Variants in FAM193B observed in about 807,000 individuals in gnomAD.
FAM193B encodes family with sequence similarity 193 member B.
Under a neutral mutation model 70.7 loss-of-function variants are expected in FAM193B, and 27 were observed. The ratio of observed to expected loss-of-function variants is 0.38; its 90% CI spans 0.28 to 0.53. FAM193B has a LOEUF of 0.53. Among genes scored for constraint, FAM193B ranks in the 20% least tolerant of loss-of-function variants. The probability of loss-of-function intolerance (pLI) is 0.81; values close to 1 mark genes in which losing one functional copy is unlikely to be tolerated. For missense variants in FAM193B, 1,022 were observed against 1,072.5 expected (o/e 0.95, Z 0.66); for synonymous variants, 448 against 436.0 (o/e 1.03, Z -0.34).
chr5:177,522,573 C>G (rs1761928002), intron 7 of FAM193B, among the ~76,000 whole-genome samples: 1 of 152,070 alleles, frequency 6.6e-6, no homozygotes, highest in Non-Finnish European at 1.5e-5. Flanking sequence ...CTCCTGAGCT[C>G]AAGTGATCCT....
chr5:177,553,543 G>A, intron 1 of FAM193B: 1 of 1,136,570 alleles, frequency 8.8e-7, no homozygotes, highest in Non-Finnish European at 1.1e-6. Context: ...TCTTCCAGGT[G>A]GCAAGCTGGA....
At chr5:177,551,939 CGGT>C (rs1766306298) in intron 1 of FAM193B, 1 of 761,546 alleles carries the variant, frequency 1.3e-6, no homozygotes, top group African/African-American at 1.9e-5. Context: ...ACCCCACCCC[CGGT>C]CAAAGTGGGG....
chr5:177,553,751 G>GGCGAGGAGGC, intron 1 of FAM193B: 1 of 1,287,866 alleles, frequency 7.8e-7, no homozygotes, highest in Non-Finnish European at 1.0e-6. Flanking sequence ...TGCTGGGTAT[G>GGCGAGGAGGC]GCGAGGAGGC....
Position 177,525,091 on chromosome 5 carries a change from G to A in FAM193B, c.1390C>T (p.Leu464=). Residue 464 remains leucine, a synonymous_variant, in exon 6 of 9, where the codon CTG becomes TTG. Transcript: ENST00000514747. The part of the protein sequence containing the change: ...ERLLEWPDRE[L]DRVNSFLSSR... ...CTCAGGAAGCTGTTGACCCGATCCA[G>A]TTCCCGGTCGGGCCACTCCAAGAGC... The A allele has an allele frequency of 6.3e-7, 1 of 1,593,100 alleles. No homozygotes were observed.
chr5:177,542,986 A>G (rs1298380896), intron 1 of FAM193B, among the ~76,000 whole-genome samples: 2 of 152,174 alleles, frequency 1.3e-5, no homozygotes, highest in Admixed American at 1.3e-4. Flanking sequence ...AGGCAGTCCA[A>G]TGAGACACTG....
intron 4 of FAM193B, among the ~76,000 whole-genome samples, chr5:177,535,595 T>A (rs1473257566): frequency 6.6e-6 from 1 of 152,196 alleles, no homozygotes; most frequent in Non-Finnish European, 1.5e-5. Context: ...TCATTCATTA[T>A]GGTTAAACAA....
At chr5:177,534,291 AT>A (rs372141424) in intron 4 of FAM193B, among the ~76,000 whole-genome samples, 99 of 134,724 alleles carry the variant, frequency 7.3e-4, no homozygotes, top group African/African-American at 1.0e-3. Flanking sequence ...AGCAAAACTG[AT>A]TTTTTTTTTT....
At chr5:177,552,545 T>C (rs556266463) in intron 1 of FAM193B, among the ~76,000 whole-genome samples, 2 of 152,378 alleles carry the variant, frequency 1.3e-5, no homozygotes, top group South Asian at 4.1e-4. Flanking sequence ...AAGTATTCTA[T>C]GGTCTGCTGA....
chr5:177,526,055 C>T (rs1762553803), intron 5 of FAM193B, among the ~76,000 whole-genome samples: 1 of 152,198 alleles, frequency 6.6e-6, no homozygotes, highest in Non-Finnish European at 1.5e-5. Context: ...TCCTGTACTT[C>T]CAGCTGATTT....
intron 1 of FAM193B, among the ~76,000 whole-genome samples, chr5:177,550,852 C>T (rs576907052): frequency 7.9e-5 from 12 of 152,276 alleles, no homozygotes; most frequent in South Asian, 4.1e-4. Flanking sequence ...TAAAAGGAGA[C>T]GGTGTTTCCC....
At chr5:177,529,000 G>A (rs1317297364) in intron 5 of FAM193B, among the ~76,000 whole-genome samples, 1 of 152,086 alleles carries the variant, frequency 6.6e-6, no homozygotes, top group Non-Finnish European at 1.5e-5. Flanking sequence ...AGTGAGTGAT[G>A]GGTCAATTTG....
At chr5:177,521,715 T>G (rs2242319) in intron 8 of FAM193B, among the ~76,000 whole-genome samples, 15,222 of 152,250 alleles carry the variant, frequency 0.1, 1,054 homozygotes, top group African/African-American at 0.19. Flanking sequence ...GAAGGGGACC[T>G]TCAGGAGCAT....
intron 7 of FAM193B, 40 bp from the exon 8 acceptor site, chr5:177,522,111 GTTCA>G: frequency 6.5e-7 from 1 of 1,545,574 alleles, no homozygotes. Context: ...ACAATCAGAG[GTTCA>G]TTCTTTTGCT....
chr5:177,537,825 C>T, intron 3 of FAM193B, 48 bp downstream of exon 3: 1 of 1,552,588 alleles, frequency 6.4e-7, no homozygotes, highest in Non-Finnish European at 8.7e-7. Flanking sequence ...GAAAACACAG[C>T]TGTCCACATT....
chr5:177,532,012 G>A lies in FAM193B; in HGVS notation c.1275+431C>T, dbSNP rs1240888825. The stretch of plus-strand genomic sequence containing the variant: ...CCAGAGCCAGCATGCCCTCTGATCT[G>A]AGCCTCCTTCCTGGCGCCGTCTGTG... On this transcript the variant is annotated intron_variant, in intron 5 of 8. Transcript: ENST00000514747. The surrounding 1 kb of genome is among the most constrained non-coding windows in gnomAD (Gnocchi z 4.9). 7.7e-7 allele frequency: 1 copy of A among 1,291,408 alleles called. No homozygotes were observed. The highest frequency in any genetic ancestry group is 5.5e-5 in the East Asian group (1 of 18,118). The allele number at this position is 1,291,408 out of a possible 1,614,324, so 80.0% of individuals were successfully genotyped here. A position where few individuals can be genotyped will look rare whatever the true frequency, so the allele number is the denominator to read the frequency against.
Position 177,524,232 on chromosome 5 carries a change from C to A in FAM193B, c.2249G>T (p.Arg750Leu). The change falls in exon 6 of 9, where the codon CGC becomes CTC. Residue 750 changes from arginine to leucine, a missense_variant. Arg to Leu is a moderately radical substitution (Grantham distance 102). Coordinates refer to ENST00000514747, the MANE Select transcript of FAM193B (RefSeq NM_001190946.3). The stretch of plus-strand genomic sequence containing the variant: ...CTGCTTGTTGCGGCTCCGGCGGCTG[C>A]GGCCCTTGCCCTGGGGCAAGCTCTG... ...RPQSLPQGKG[R>L]SRRSRNKQEK... The A allele has an allele frequency of 6.5e-7, 1 of 1,546,896 alleles. No individual in the cohort carries two copies. Among genetic ancestry groups the A allele is most frequent in the Non-Finnish European group, 8.7e-7 (1 of 1,147,276 alleles).
chr5:177,539,251 G>A (rs1764566761), intron 1 of FAM193B, 104 bp from the exon 2 acceptor site: 5 of 1,363,384 alleles, frequency 3.7e-6, no homozygotes, highest in Non-Finnish European at 4.8e-6. Context: ...CAGGCACTGG[G>A]TTAGGCACTT....
At position 177,536,606 on chromosome 5, in the gene FAM193B, G is replaced by A; in HGVS notation, c.828C>T (p.His276=). Residue 276 remains histidine, a synonymous_variant, in exon 4 of 9, where the codon CAC becomes CAT. Transcript: ENST00000514747. ...GTGCTGCCGGGGTGGTGGGCAGCAG[G>A]TGTGGGTGGGGTGGGGAGCCAAAGG... is the stretch of plus-strand genomic sequence containing the variant. ...PSSFGSPPHP[H]LLPTTPAAPF... The A allele has an allele frequency of 6.4e-7, 1 of 1,555,308 alleles. No individual in the cohort carries two copies. Among genetic ancestry groups the A allele is most frequent in the Non-Finnish European group, 8.6e-7 (1 of 1,158,598 alleles).
rs767335893 is a variant in FAM193B at position 177,525,156 on chromosome 5, C to T, written c.1325G>A (p.Arg442His). 21 of 1,516,174 alleles carry T rather than the reference C, an allele frequency of 1.4e-5. No homozygotes were observed. The highest frequency in any genetic ancestry group is 1.8e-4 in the Middle Eastern group (1 of 5,644). 93.9% of individuals were successfully genotyped at this position (1,516,174 alleles called of 1,614,324 possible). ...CCTTGGCTCCCGGCTTCCAGAAACA[C>T]GATTTGCCTGCTTTAGAGCTTCTGC... ...LAAEALKQAN[R>H]VSGSREPRPA... is the part of the protein sequence containing the mutation. Residue 442 changes from arginine to histidine, a missense_variant, in exon 6 of 9, where the codon CGT (arginine) becomes CAT (histidine). By Grantham distance (29) the Arg-to-His change is conservative (BLOSUM62 0). Transcript: ENST00000514747.
Sources: gnomAD v4.1 joint callset for allele counts (sites outside exome capture counted in the v4.1 genomes callset) on GRCh38, gnomAD v4.1.1 for gene constraint, Gnocchi (gnomAD v3.1) non-coding constraint, MANE v1.5 for transcripts, NCBI Gene and HGNC (gene_info 2026-07-23, HGNC 2026-07-21) for gene names.